The following HNRNPA0 variants were observed in gnomAD, a reference collection of about 807,000 sequenced individuals.
HNRNPA0 encodes heterogeneous nuclear ribonucleoprotein A0.
For missense variants in HNRNPA0, 252 were observed against 433.7 expected, an observed-to-expected ratio of 0.58 and a Z score of 3.72; for synonymous variants, 243 against 195.5, an observed-to-expected ratio of 1.24 and a Z score of -2.03.
rs1284607142 is a variant in HNRNPA0, at chr5:137,752,473, A to T, written c.*676T>A. On this transcript the variant is annotated 3_prime_UTR_variant, in exon 1 of 1. Coordinates refer to ENST00000314940, the MANE Select transcript of HNRNPA0 (RefSeq NM_006805.4). Reference sequence around the variant, plus strand: ...TAATTCAACACGCAACTAGCAGGGCAACAGGAGAGGGGAAAAAAACCACAG... The same window carrying T: ...TAATTCAACACGCAACTAGCAGGGCTACAGGAGAGGGGAAAAAAACCACAG... 6.6e-6 allele frequency: 1 copy of T among 152,298 alleles called. No individual in the cohort carries two copies. Among genetic ancestry groups the T allele is most frequent in the African/African-American group, 2.4e-5 (1 of 41,470 alleles). The allele number at this position is 152,298 out of a possible 1,614,324, so 9.4% of individuals were successfully genotyped here. A position where few individuals can be genotyped will look rare whatever the true frequency, so the allele number is the denominator to read the frequency against.
chr5:137,748,657 T>G lies in HNRNPA0; in HGVS notation c.*4492A>C, dbSNP rs1393536651. The G allele has an allele frequency of 6.6e-6, 1 of 152,168 alleles. No homozygotes were observed. Among genetic ancestry groups the G allele is most frequent in the Non-Finnish European group, 1.5e-5 (1 of 68,014 alleles). The allele number at this position is 152,168 out of a possible 1,614,324, so 9.4% of individuals were successfully genotyped here. Reference sequence around the variant, plus strand: ...TAAGGCAAGTGAGGCTCGGGCCAGTTTGTCCAAGGTCGCAGTGCTAGAAAG... The same window carrying G: ...TAAGGCAAGTGAGGCTCGGGCCAGTGTGTCCAAGGTCGCAGTGCTAGAAAG... On this transcript the variant is annotated 3_prime_UTR_variant, in exon 1 of 1. Coordinates refer to ENST00000314940, the MANE Select transcript of HNRNPA0 (RefSeq NM_006805.4).
rs1753538356 is a variant in HNRNPA0 at position 137,753,210 on chromosome 5, T to C, written c.857A>G (p.Asn286Ser). The change falls in exon 1 of 1, where the codon AAT becomes AGT. Residue 286 changes from asparagine to serine, a missense_variant. Transcript: ENST00000314940. This position sits in a 1 kb window ranked among gnomAD's most constrained non-coding sequence, Gnocchi z 6.1. Reference sequence around the variant, plus strand: ...ATAGCCGCCTCTGTAAGGTCCACTATTACTGCGACCGCCCCAGCTACTGCC... The same window carrying C: ...ATAGCCGCCTCTGTAAGGTCCACTACTACTGCGACCGCCCCAGCTACTGCC... ...GGGSSWGGRS[N>S]SGPYRGGYGG... 1 of 1,613,534 alleles carries C rather than the reference T, an allele frequency of 6.2e-7. No individual in the cohort carries two copies. Among genetic ancestry groups the C allele is most frequent in the Admixed American group, 1.7e-5 (1 of 59,984 alleles).
Position 137,748,162 on chromosome 5 carries a change from T to C in HNRNPA0, c.*4987A>G, listed in dbSNP as rs1251342511. 6.6e-6 allele frequency: 1 copy of C among 152,208 alleles called. No individual in the cohort carries two copies. The allele number at this position is 152,208 out of a possible 1,614,324, so 9.4% of individuals were successfully genotyped here. A position where few individuals can be genotyped will look rare whatever the true frequency, so the allele number is the denominator to read the frequency against. On this transcript the variant is annotated 3_prime_UTR_variant, in exon 1 of 1. Coordinates refer to ENST00000314940, the MANE Select transcript of HNRNPA0 (RefSeq NM_006805.4). ...TGTTTCTGCCTATCTGTCCTCCACC[T>C]AAAATGCCCTCTTTCTCCTCCCACC...
rs548243566 is a variant in HNRNPA0 at position 137,750,876 on chromosome 5, C to G, written c.*2273G>C. ...GGAATAATATGACAACCTTATTAAACTGAAAACCCTGAGAAAGGTGTACTA... is the reference window on the plus strand; with the variant it reads ...GGAATAATATGACAACCTTATTAAAGTGAAAACCCTGAGAAAGGTGTACTA... On this transcript the variant is annotated 3_prime_UTR_variant, in exon 1 of 1. Transcript: ENST00000314940. The G allele has an allele frequency of 6.6e-6, 1 of 152,230 alleles. No homozygotes were observed. The highest frequency in any genetic ancestry group is 2.1e-4 in the South Asian group (1 of 4,820). 9.4% of individuals were successfully genotyped at this position (152,230 alleles called of 1,614,324 possible).
At position 137,753,494 on chromosome 5, in the gene HNRNPA0, G is replaced by T. The variant is rs1038517940; in HGVS notation, c.573C>A (p.Ser191=). Residue 191 remains serine (S), a synonymous_variant, in exon 1 of 1, where the codon TCC becomes TCA. Coordinates refer to ENST00000314940, the MANE Select transcript of HNRNPA0 (RefSeq NM_006805.4). The surrounding 1 kb of genome is among the most constrained non-coding windows in gnomAD (Gnocchi z 6.1). ...GCCCCCGGCCGCCTCGGCCGCCCCGGGAGGATCGGGAGCCGCCTCCACCCC... is the reference window on the plus strand; with the variant it reads ...GCCCCCGGCCGCCTCGGCCGCCCCGTGAGGATCGGGAGCCGCCTCCACCCC... ...SGGGGGGSRS[S]RGGRGGRGRG... is the part of the protein sequence containing the mutation. 6.3e-7 allele frequency: 1 copy of T among 1,591,456 alleles called. No individual in the cohort carries two copies. The highest frequency in any genetic ancestry group is 1.3e-5 in the African/African-American group (1 of 74,276).
chr5:137,748,457 C>T lies in HNRNPA0; in HGVS notation c.*4692G>A, dbSNP rs1313884652. The T allele has an allele frequency of 1.3e-5, 2 of 152,136 alleles. No homozygotes were observed. The highest frequency in any genetic ancestry group is 2.9e-5 in the Non-Finnish European group (2 of 68,020). 9.4% of individuals were successfully genotyped at this position (152,136 alleles called of 1,614,324 possible). A position where few individuals can be genotyped will look rare whatever the true frequency, so the allele number is the denominator to read the frequency against. On this transcript the variant is annotated 3_prime_UTR_variant, in exon 1 of 1. Coordinates refer to ENST00000314940, the MANE Select transcript of HNRNPA0 (RefSeq NM_006805.4). ...CTAAAGACCATGCATATCTCGGGTACTAAGATATAAAAGTATGCCTTTTGC... is the reference window on the plus strand; with the variant it reads ...CTAAAGACCATGCATATCTCGGGTATTAAGATATAAAAGTATGCCTTTTGC...
Position 137,753,175 on chromosome 5 carries a change from C to A in HNRNPA0, c.892G>T (p.Gly298Cys). ...TAGAAGGAGCTGCCTCCATAGCCACCCCCACCGCCATAGCCGCCTCTGTAA... is the reference window on the plus strand; with the variant it reads ...TAGAAGGAGCTGCCTCCATAGCCACACCCACCGCCATAGCCGCCTCTGTAA... ...GPYRGGYGGG[G>C]GYGGSSF The change falls in exon 1 of 1, where the codon GGT becomes TGT. Residue 298 changes from glycine to cysteine, a missense_variant. Gly to Cys is a radical substitution (Grantham distance 159). Transcript: ENST00000314940. This position sits in a 1 kb window ranked among gnomAD's most constrained non-coding sequence, Gnocchi z 6.1. 1 of 1,613,386 alleles carries A rather than the reference C, an allele frequency of 6.2e-7. No individual in the cohort carries two copies. Among genetic ancestry groups the A allele is most frequent in the Non-Finnish European group, 8.5e-7 (1 of 1,179,716 alleles).
In HNRNPA0 at chr5:137,750,839, A is replaced by T. The variant is rs897498272; in HGVS notation, c.*2310T>A. ...ATTTGCAAACTTTAGAAGCCACTAT[A>T]TTCCCATGTTGGGAATAATATGACA... On this transcript the variant is annotated 3_prime_UTR_variant, in exon 1 of 1. Transcript: ENST00000314940. 6.6e-6 allele frequency: 1 copy of T among 152,218 alleles called. No homozygotes were observed. The highest frequency in any genetic ancestry group is 2.4e-5 in the African/African-American group (1 of 41,460). 9.4% of individuals were successfully genotyped at this position (152,218 alleles called of 1,614,324 possible). A position where few individuals can be genotyped will look rare whatever the true frequency, so the allele number is the denominator to read the frequency against.
rs1338620231 is a variant in HNRNPA0 at position 137,750,213 on chromosome 5, T to C, written c.*2936A>G. On this transcript the variant is annotated 3_prime_UTR_variant, in exon 1 of 1. Coordinates refer to ENST00000314940, the MANE Select transcript of HNRNPA0 (RefSeq NM_006805.4). ...CAAAGGAAATGCTCATTGAAGCAGT[T>C]TGGATTTTACATTTTTGTATGAGAG... 6.6e-6 allele frequency: 1 copy of C among 152,178 alleles called. No individual in the cohort carries two copies. Among genetic ancestry groups the C allele is most frequent in the Non-Finnish European group, 1.5e-5 (1 of 68,008 alleles). The allele number at this position is 152,178 out of a possible 1,614,324, so 9.4% of individuals were successfully genotyped here.
In HNRNPA0 at chr5:137,749,111, A is replaced by G. The variant is rs1324335723; in HGVS notation, c.*4038T>C. 6.6e-6 allele frequency: 1 copy of G among 152,224 alleles called. No individual in the cohort carries two copies. The highest frequency in any genetic ancestry group is 1.5e-5 in the Non-Finnish European group (1 of 68,016). 9.4% of individuals were successfully genotyped at this position (152,224 alleles called of 1,614,324 possible). A position where few individuals can be genotyped will look rare whatever the true frequency, so the allele number is the denominator to read the frequency against. Reference sequence around the variant, plus strand: ...CTTACACAAAGGTGCCTAACACCCAATGAAATTGACGGTAAACACTGGGAA... The same window carrying G: ...CTTACACAAAGGTGCCTAACACCCAGTGAAATTGACGGTAAACACTGGGAA... On this transcript the variant is annotated 3_prime_UTR_variant, in exon 1 of 1. Coordinates refer to ENST00000314940, the MANE Select transcript of HNRNPA0 (RefSeq NM_006805.4).
rs1051226447 is a variant in HNRNPA0 at position 137,754,232 on chromosome 5, A to G, written c.-166T>C. The stretch of plus-strand genomic sequence containing the variant: ...AAAAGGGAAGGGGAGGGAAGGAAGG[A>G]AGAGAGGAAGGGGGAGGGAAGGGGA... On this transcript the variant is annotated 5_prime_UTR_variant, in exon 1 of 1. Coordinates refer to ENST00000314940, the MANE Select transcript of HNRNPA0 (RefSeq NM_006805.4). 13 of 933,526 alleles carry G rather than the reference A, an allele frequency of 1.4e-5. No homozygotes were observed. The highest frequency in any genetic ancestry group is 2.1e-5 in the Non-Finnish European group (13 of 632,918). 57.8% of individuals were successfully genotyped at this position (933,526 alleles called of 1,614,324 possible).
chr5:137,752,606 T>A lies in HNRNPA0; in HGVS notation c.*543A>T, dbSNP rs1195936017. On this transcript the variant is annotated 3_prime_UTR_variant, in exon 1 of 1. Coordinates refer to ENST00000314940, the MANE Select transcript of HNRNPA0 (RefSeq NM_006805.4). The stretch of plus-strand genomic sequence containing the variant: ...TACGGAATGGATCCTAGAAAAAAAA[T>A]GTTAGACATGTACGGTCAAACACAA... The A allele has an allele frequency of 2.0e-5, 3 of 152,736 alleles. No homozygotes were observed. Among genetic ancestry groups the A allele is most frequent in the East Asian group, 3.9e-4 (2 of 5,194 alleles). The allele number at this position is 152,736 out of a possible 1,614,324, so 9.5% of individuals were successfully genotyped here.
In HNRNPA0 at chr5:137,753,394, C is replaced by T. The variant is rs1353190170; in HGVS notation, c.673G>A (p.Gly225Ser). 1.3e-6 allele frequency: 2 copies of T among 1,547,858 alleles called. No individual in the cohort carries two copies. The highest frequency in any genetic ancestry group is 2.4e-5 in the South Asian group (2 of 84,484). The change falls in exon 1 of 1, where the codon GGC (glycine) becomes AGC (serine). Residue 225 changes from glycine (G) to serine (S), a missense_variant. By Grantham distance (56) the Gly-to-Ser change is moderately conservative. Coordinates refer to ENST00000314940, the MANE Select transcript of HNRNPA0 (RefSeq NM_006805.4). The surrounding 1 kb of genome is among the most constrained non-coding windows in gnomAD (Gnocchi z 6.1). Reference sequence around the variant, plus strand: ...GCATTGTAGCCGCCGCCTCCGCCGCCGCCGTAACCACCGTAGCTGTTGTAA... The same window carrying T: ...GCATTGTAGCCGCCGCCTCCGCCGCTGCCGTAACCACCGTAGCTGTTGTAA... ...GGYNSYGGYGGGGGGGYNAYG... is the reference protein window; with the variant it reads ...GGYNSYGGYGSGGGGGYNAYG...
In HNRNPA0 at chr5:137,747,946, C is replaced by G. The variant is rs1263943503; in HGVS notation, c.*5203G>C. On this transcript the variant is annotated 3_prime_UTR_variant, in exon 1 of 1. Coordinates refer to ENST00000314940, the MANE Select transcript of HNRNPA0 (RefSeq NM_006805.4). Reference sequence around the variant, plus strand: ...AAGCTTAGTAGAAGGAGCGAAACAACTAGAATTGGTCAAACTTGGATTCAA... The same window carrying G: ...AAGCTTAGTAGAAGGAGCGAAACAAGTAGAATTGGTCAAACTTGGATTCAA... The G allele has an allele frequency of 6.6e-6, 1 of 152,172 alleles. No individual in the cohort carries two copies. The highest frequency in any genetic ancestry group is 1.5e-5 in the Non-Finnish European group (1 of 68,018). 9.4% of individuals were successfully genotyped at this position (152,172 alleles called of 1,614,324 possible).
In HNRNPA0 at chr5:137,752,588, T is replaced by C. The variant is rs1046278424; in HGVS notation, c.*561A>G. ...ATATCCCTTAAAAAACGGTACGGAA[T>C]GGATCCTAGAAAAAAAATGTTAGAC... On this transcript the variant is annotated 3_prime_UTR_variant, in exon 1 of 1. Transcript: ENST00000314940. 1 of 152,762 alleles carries C rather than the reference T, an allele frequency of 6.5e-6. No individual in the cohort carries two copies. Among genetic ancestry groups the C allele is most frequent in the African/African-American group, 2.4e-5 (1 of 41,444 alleles). The allele number at this position is 152,762 out of a possible 1,614,324, so 9.5% of individuals were successfully genotyped here. A position where few individuals can be genotyped will look rare whatever the true frequency, so the allele number is the denominator to read the frequency against.
rs889821915 is a variant in HNRNPA0 at position 137,751,470 on chromosome 5, A to T, written c.*1679T>A. On this transcript the variant is annotated 3_prime_UTR_variant, in exon 1 of 1. Coordinates refer to ENST00000314940, the MANE Select transcript of HNRNPA0 (RefSeq NM_006805.4). ...CTTTGAGCCTTCAACGTCAACATGT[A>T]AGTCAAATATTTAAGTTAAATATTA... The T allele has an allele frequency of 6.7e-6, 1 of 149,676 alleles. No homozygotes were observed. Among genetic ancestry groups the T allele is most frequent in the African/African-American group, 2.5e-5 (1 of 40,438 alleles). 9.3% of individuals were successfully genotyped at this position (149,676 alleles called of 1,614,324 possible).
rs368179259 is a variant in HNRNPA0 at position 137,754,348 on chromosome 5, G to T, written c.-282C>A. ...GCCGCCACCTCCGCTCCCCTATCTG[G>T]GCACCACACAAAGAGGCCGCTGAAC... On this transcript the variant is annotated 5_prime_UTR_variant, in exon 1 of 1. Coordinates refer to ENST00000314940, the MANE Select transcript of HNRNPA0 (RefSeq NM_006805.4). 1 of 458,920 alleles carries T rather than the reference G, an allele frequency of 2.2e-6. No homozygotes were observed. Among genetic ancestry groups the T allele is most frequent in the Non-Finnish European group, 4.1e-6 (1 of 246,890 alleles). The allele number at this position is 458,920 out of a possible 1,614,324, so 28.4% of individuals were successfully genotyped here. A position where few individuals can be genotyped will look rare whatever the true frequency, so the allele number is the denominator to read the frequency against.
At position 137,753,072 on chromosome 5, in the gene HNRNPA0, G is replaced by A. The variant is rs1580802166; in HGVS notation, c.*77C>T. On this transcript the variant is annotated 3_prime_UTR_variant, in exon 1 of 1. Coordinates refer to ENST00000314940, the MANE Select transcript of HNRNPA0 (RefSeq NM_006805.4). This position sits in a 1 kb window ranked among gnomAD's most constrained non-coding sequence, Gnocchi z 6.1. ...GAAGGCGGTGTGTGTGAGGGGGTGGGGCTTAGGAGTTGACCCCACTTGGGC... is the reference window on the plus strand; with the variant it reads ...GAAGGCGGTGTGTGTGAGGGGGTGGAGCTTAGGAGTTGACCCCACTTGGGC... 2.7e-6 allele frequency: 4 copies of A among 1,456,574 alleles called. No individual in the cohort carries two copies. The highest frequency in any genetic ancestry group is 4.6e-5 in the East Asian group (2 of 43,778). 90.2% of individuals were successfully genotyped at this position (1,456,574 alleles called of 1,614,324 possible). A position where few individuals can be genotyped will look rare whatever the true frequency, so the allele number is the denominator to read the frequency against.
chr5:137,754,122 G>C lies in HNRNPA0; in HGVS notation c.-56C>G. 5.2e-6 allele frequency: 8 copies of C among 1,540,850 alleles called. No individual in the cohort carries two copies. Among genetic ancestry groups the C allele is most frequent in the Non-Finnish European group, 7.0e-6 (8 of 1,144,574 alleles). ...CGAGCTCCGAGGTTTCGCCGTCGCC[G>C]CCGTTATCGTTGGTTAAGGCCTCTA... On this transcript the variant is annotated 5_prime_UTR_variant, in exon 1 of 1. Transcript: ENST00000314940.
Sources: gnomAD v4.1 joint callset for allele counts on GRCh38, gnomAD v4.1.1 for gene constraint, Gnocchi (gnomAD v3.1) non-coding constraint, MANE v1.5 for transcripts, NCBI Gene and HGNC (gene_info 2026-07-23, HGNC 2026-07-21) for gene names.